The following CNTN6 variants were observed in gnomAD, a reference collection of about 807,000 sequenced individuals.
CNTN6 encodes the protein contactin-6.
In CNTN6, 137 loss-of-function variants were observed where a neutral mutation model predicts 122.8. That is an observed-to-expected ratio of 1.12 (90% CI 0.97 to 1.29). The LOEUF (loss-of-function observed/expected upper bound fraction) is 1.29. Among genes scored for constraint, CNTN6 ranks in the 50% most tolerant of loss-of-function variants. The probability of loss-of-function intolerance (pLI) is 0.00; values close to 1 mark genes in which losing one functional copy is unlikely to be tolerated. For missense variants in CNTN6, 1,634 were observed against 1,223.4 expected (o/e 1.34, Z -5.01); for synonymous variants, 570 against 426.0 (o/e 1.34, Z -4.16).
chr3:1,133,906 G>C (rs955377968), intron 1 of CNTN6, among the ~76,000 whole-genome samples: 2 of 152,168 alleles, frequency 1.3e-5, no homozygotes, highest in African/African-American at 4.8e-5. Flanking sequence ...TGGAGCAACA[G>C]CCTGCTGTGG....
Position 1,403,455 on chromosome 3 carries a change from G to A in CNTN6, c.*37G>A. Reference sequence around the variant, plus strand: ...ATAAATCTTTGAGAGTTTTTTGAAAGCAAATCATTCTGTATATATGCTCTC... The same window carrying A: ...ATAAATCTTTGAGAGTTTTTTGAAAACAAATCATTCTGTATATATGCTCTC... On this transcript the variant is annotated 3_prime_UTR_variant, in exon 23 of 23. Coordinates refer to ENST00000446702, the MANE Select transcript of CNTN6 (RefSeq NM_001289080.2). 2 of 1,391,068 alleles carry A rather than the reference G, an allele frequency of 1.4e-6. No individual in the cohort carries two copies. The allele number at this position is 1,391,068 out of a possible 1,614,324, so 86.2% of individuals were successfully genotyped here.
intron 11 of CNTN6, among the ~76,000 whole-genome samples, chr3:1,351,506 CCTCTT>C (rs1465990307): frequency 1.3e-5 from 2 of 149,336 alleles, no homozygotes; most frequent in Non-Finnish European, 3.0e-5. Context: ...TTTTCAGTCT[CCTCTT>C]ATTACATTTG....
chr3:1,373,791 TTAAAAA>T (rs1258180354), intron 15 of CNTN6, 29 bp downstream of exon 15: 1 of 1,545,448 alleles, frequency 6.5e-7, no homozygotes, highest in South Asian at 1.3e-5. Flanking sequence ...TTGGGTCACT[TTAAAAA>T]TAATATTTTA....
At position 1,390,536 on chromosome 3, in the gene CNTN6, C is replaced by CAGAA. The variant is rs1390883713; in HGVS notation, c.2704+4749_2704+4752dup. Among the ~76,000 whole-genome samples, 4 of 151,784 alleles carry CAGAA rather than the reference C, an allele frequency of 2.6e-5. No individual in the cohort carries two copies. The South Asian group carries it at 8.3e-4, about 32-fold the overall frequency. On this transcript the variant is annotated intron_variant, in intron 20 of 22. Coordinates refer to ENST00000446702, the MANE Select transcript of CNTN6 (RefSeq NM_001289080.2). ...AAGAGCAAACACATTCAAAAGCTGGCAGAAAGAAAGAAATAACTAAAATCA... is the reference window on the plus strand; with the variant it reads ...AAGAGCAAACACATTCAAAAGCTGGCAGAAAGAAAGAAAGAAATAACTAAAATCA...
chr3:1,352,534 T>C (rs1705818616), intron 12 of CNTN6, 83 bp downstream of exon 12: 1 of 1,489,922 alleles, frequency 6.7e-7, no homozygotes. Context: ...GTCAAACCTG[T>C]ACCATATTGT....
At chr3:1,271,191 T>G (rs554283076) in intron 4 of CNTN6, among the ~76,000 whole-genome samples, 3 of 152,328 alleles carry the variant, frequency 2.0e-5, no homozygotes, top group South Asian at 4.1e-4. Flanking sequence ...AAACACAGCA[T>G]CTGGAATTAA....
chr3:1,402,429 G>A lies in CNTN6; in HGVS notation c.2929G>A (p.Val977Ile). The A allele has an allele frequency of 6.2e-7, 1 of 1,612,400 alleles. No homozygotes were observed. The highest frequency in any genetic ancestry group is 8.5e-7 in the Non-Finnish European group (1 of 1,178,872). ...AGACTACTTAATTGAAATAAGAACA[G>A]TCAGTGATGGTGGAGATGGAAGCAG... ...EEDYLIEIRT[V>I]SDGGDGSSSE... The change falls in exon 22 of 23, where the codon GTC becomes ATC. Residue 977 changes from valine (V) to isoleucine (I), a missense_variant. Val to Ile is a conservative substitution (Grantham distance 29). Transcript: ENST00000446702.
intron 5 of CNTN6, among the ~76,000 whole-genome samples, chr3:1,288,791 G>A (rs1184136708): frequency 1.3e-5 from 2 of 152,112 alleles, no homozygotes; most frequent in East Asian, 1.9e-4. Context: ...AAATATTACA[G>A]TACAAGATAT....
chr3:1,231,949 C>T (rs1239257863), intron 4 of CNTN6, among the ~76,000 whole-genome samples: 4 of 152,114 alleles, frequency 2.6e-5, no homozygotes, highest in African/African-American at 9.7e-5. Flanking sequence ...TTTATCAAAG[C>T]TTTTGGTGGT....
rs1205841845 is a variant in CNTN6 at position 1,383,301 on chromosome 3, C to T, written c.2410C>T (p.Leu804=). The T allele has an allele frequency of 2.5e-6, 4 of 1,613,628 alleles. No individual in the cohort carries two copies. Among genetic ancestry groups the T allele is most frequent in the Non-Finnish European group, 3.4e-6 (4 of 1,179,524 alleles). The change falls in exon 19 of 23, where the codon CTG becomes TTG. Residue 804 remains leucine (L), a synonymous_variant. Coordinates refer to ENST00000446702, the MANE Select transcript of CNTN6 (RefSeq NM_001289080.2). ...CTTTCTCTGGATGGTAGAACCTCAA[C>T]TGGCCCCAAGGGGAACTTCTCTCCA... ...IVYSGEDEPQ[L]APRGTSLQSF...
intron 17 of CNTN6, among the ~76,000 whole-genome samples, chr3:1,377,763 T>C (rs1710087177): frequency 6.6e-6 from 1 of 152,102 alleles, no homozygotes; most frequent in Admixed American, 6.6e-5. Context: ...CTTTCCCCAT[T>C]CACAGTGTTA....
At chr3:1,393,508 GTAAC>G (rs1247158440) in intron 20 of CNTN6, among the ~76,000 whole-genome samples, 7 of 143,416 alleles carry the variant, frequency 4.9e-5, no homozygotes, top group East Asian at 2.1e-4. Flanking sequence ...GTATACATAT[GTAAC>G]TAACCTGCAC....
At chr3:1,402,605 A>G in intron 22 of CNTN6, 119 bp downstream of exon 22, 1 of 851,124 alleles carries the variant, frequency 1.2e-6, no homozygotes, top group Non-Finnish European at 1.7e-6. Context: ...TAAATTTTCA[A>G]TTGTGAGCAA....
chr3:1,127,022 AATACAAATTATATAAAAGT>A (rs1456748832), intron 1 of CNTN6, among the ~76,000 whole-genome samples: 4 of 151,660 alleles, frequency 2.6e-5, no homozygotes, highest in South Asian at 2.1e-4. Context: ...AATATTATTT[AATACAAATTATATAAAAGT>A]ATACAAATTA....
At chr3:1,158,824 A>ACATATATATGTGTGTGTATATATATG (rs2093041954) in intron 2 of CNTN6, among the ~76,000 whole-genome samples, 1 of 76,204 alleles carries the variant, frequency 1.3e-5, no homozygotes, top group Non-Finnish European at 2.5e-5. Context: ...ATACACACAC[A>ACATATATATGTGTGTGTATATATATG]TATATATACA....
At chr3:1,213,600 G>T (rs12492233) in intron 2 of CNTN6, among the ~76,000 whole-genome samples, 57,337 of 151,334 alleles carry the variant, frequency 0.38, 12,014 homozygotes, top group East Asian at 0.87. Flanking sequence ...TATTAATATT[G>T]GGTAAAATTA....
intron 20 of CNTN6, among the ~76,000 whole-genome samples, chr3:1,394,993 A>C (rs994085999): frequency 3.9e-5 from 6 of 152,188 alleles, no homozygotes; most frequent in Non-Finnish European, 2.9e-5. Context: ...TTAAGTATTC[A>C]GCTTTCTTAA....
chr3:1,278,222 A>G (rs2125789191), intron 4 of CNTN6, among the ~76,000 whole-genome samples, 191 bp from the exon 5 acceptor site: 1 of 152,332 alleles, frequency 6.6e-6, no homozygotes, highest in South Asian at 2.1e-4. Flanking sequence ...TTTAATTAAA[A>G]AGAAAGAAAG....
intron 17 of CNTN6, among the ~76,000 whole-genome samples, chr3:1,377,570 C>A (rs155857): frequency 6.6e-6 from 1 of 151,982 alleles, no homozygotes; most frequent in African/African-American, 2.4e-5. Flanking sequence ...ATTTTTTTAC[C>A]TTATTAAAAA....
Sources: gnomAD v4.1 joint callset for allele counts (sites outside exome capture counted in the v4.1 genomes callset) on GRCh38, gnomAD v4.1.1 for gene constraint, MANE v1.5 for transcripts, NCBI Gene and HGNC (gene_info 2026-07-23, HGNC 2026-07-21) for gene names.